Variants in ADAMTS12 observed in about 807,000 individuals in gnomAD.
ADAMTS12 encodes the protein ADAM metallopeptidase with thrombospondin type 1 motif 12, also known as A disintegrin and metalloproteinase with thrombospondin motifs 12.
In ADAMTS12, 118 loss-of-function variants were observed where a neutral mutation model predicts 167.8. The observed-to-expected ratio is 0.70, with a 90% CI of 0.61 to 0.82. ADAMTS12 has a LOEUF of 0.82. ADAMTS12 is among the 40% of genes least tolerant of loss of function. ADAMTS12 has a pLI of 0.00. For synonymous variants in ADAMTS12, 704 were observed against 716.9 expected (o/e 0.98, Z 0.29); for missense variants, 1,916 against 1,998.8 (o/e 0.96, Z 0.79).
chr5:33,739,429 T>C (rs1300755447), intron 3 of ADAMTS12, among the ~76,000 whole-genome samples: 1 of 152,144 alleles, frequency 6.6e-6, no homozygotes, highest in South Asian at 2.1e-4. Context: ...TGGAGTCTTT[T>C]TAACCAAATA....
chr5:33,643,179 C>T (rs910990844), intron 10 of ADAMTS12, among the ~76,000 whole-genome samples, 199 bp downstream of exon 10: 2 of 152,208 alleles, frequency 1.3e-5, no homozygotes, highest in African/African-American at 4.8e-5. Context: ...CCTCAGCCCT[C>T]CCTCCTTAAC....
intron 13 of ADAMTS12, among the ~76,000 whole-genome samples, chr5:33,625,568 G>C (rs1182734978): frequency 6.6e-6 from 1 of 152,074 alleles, no homozygotes; most frequent in African/African-American, 2.4e-5. Context: ...TCTACCAACA[G>C]GGAAATAGAT....
chr5:33,732,512 A>G (rs932262022), intron 3 of ADAMTS12, among the ~76,000 whole-genome samples: 2 of 152,248 alleles, frequency 1.3e-5, no homozygotes, highest in African/African-American at 4.8e-5. Context: ...GATGATTCTT[A>G]AAGAAGAATT....
rs182645886 is a variant in ADAMTS12 at position 33,791,470 on chromosome 5, T to A, written c.490-39922A>T. 1.0e-3 allele frequency among the ~76,000 whole-genome samples: 154 copies of A among 152,084 alleles called. 2 individuals carry two copies. Among genetic ancestry groups the A allele is most frequent in the African/African-American group, 3.5e-3 (145 of 41,518 alleles). On this transcript the variant is annotated intron_variant, in intron 2 of 23. Transcript: ENST00000504830. Reference sequence around the variant, plus strand: ...TTGCTGTGCCTAGATGCCTTAAAAATTTTTTTTAACAAAAACAAGGACTAC... The same window carrying A: ...TTGCTGTGCCTAGATGCCTTAAAAAATTTTTTTAACAAAAACAAGGACTAC...
At chr5:33,553,701 T>C (rs1262004238) in intron 20 of ADAMTS12, among the ~76,000 whole-genome samples, 1 of 152,106 alleles carries the variant, frequency 6.6e-6, no homozygotes, top group Admixed American at 6.6e-5. Context: ...CACCACACAC[T>C]GGGGCCTAAC....
At chr5:33,787,961 C>A (rs1336961942) in intron 2 of ADAMTS12, among the ~76,000 whole-genome samples, 2 of 152,182 alleles carry the variant, frequency 1.3e-5, no homozygotes, top group South Asian at 2.1e-4. Context: ...ATAGACCCTG[C>A]CACCAGGAAG....
At chr5:33,859,538 C>T (rs190360510) in intron 2 of ADAMTS12, among the ~76,000 whole-genome samples, 1 of 152,224 alleles carries the variant, frequency 6.6e-6, no homozygotes, top group African/African-American at 2.4e-5. Flanking sequence ...ACTCCCATCT[C>T]CCTGGGACAG....
intron 2 of ADAMTS12, among the ~76,000 whole-genome samples, chr5:33,832,563 T>C (rs1444737125): frequency 6.6e-6 from 1 of 152,188 alleles, no homozygotes; most frequent in Non-Finnish European, 1.5e-5. Flanking sequence ...CAAGTAAATG[T>C]GTTAGACATT....
intron 22 of ADAMTS12, among the ~76,000 whole-genome samples, chr5:33,538,388 A>G (rs1394649224): frequency 1.3e-5 from 2 of 152,178 alleles, no homozygotes; most frequent in Non-Finnish European, 2.9e-5. Flanking sequence ...TTGACACGTG[A>G]GAATTACAAT....
chr5:33,730,107 G>A (rs933217760), intron 3 of ADAMTS12, among the ~76,000 whole-genome samples: 1 of 152,264 alleles, frequency 6.6e-6, no homozygotes, highest in East Asian at 1.9e-4. Flanking sequence ...ACCCACCCAC[G>A]GGTAGAAAGG....
intron 2 of ADAMTS12, among the ~76,000 whole-genome samples, chr5:33,869,609 C>T (rs1416890207): frequency 1.3e-5 from 2 of 152,040 alleles, no homozygotes; most frequent in African/African-American, 2.4e-5. Flanking sequence ...TTTTTATTAG[C>T]GATTTTCAAA....
intron 7 of ADAMTS12, among the ~76,000 whole-genome samples, chr5:33,655,710 T>TA (rs1300081839): frequency 1.3e-5 from 2 of 152,020 alleles, no homozygotes; most frequent in South Asian, 2.1e-4. Context: ...TACATAAGTA[T>TA]ACATGTGCCG....
chr5:33,809,193 T>G (rs1747350821), intron 2 of ADAMTS12, among the ~76,000 whole-genome samples: 1 of 152,200 alleles, frequency 6.6e-6, no homozygotes, highest in African/African-American at 2.4e-5. Context: ...GGGATCCTGT[T>G]AAACTGCAGA....
intron 12 of ADAMTS12, 58 bp downstream of exon 12, chr5:33,637,519 C>T: frequency 6.5e-7 from 1 of 1,536,132 alleles, no homozygotes; most frequent in Non-Finnish European, 8.8e-7. Context: ...GACTGACATA[C>T]AAATGCTTTG....
chr5:33,624,459 G>A, intron 13 of ADAMTS12, 108 bp from the exon 14 acceptor site: 1 of 1,461,976 alleles, frequency 6.8e-7, no homozygotes, highest in South Asian at 1.4e-5. Context: ...CTGGGCAGGA[G>A]GTACCAGGTA....
intron 2 of ADAMTS12, among the ~76,000 whole-genome samples, chr5:33,876,856 T>G (rs1404344718): frequency 1.3e-5 from 2 of 152,200 alleles, no homozygotes; most frequent in Non-Finnish European, 2.9e-5. Context: ...CAGAGGAAAC[T>G]GGGTAGAGGG....
At chr5:33,844,427 C>T (rs756177402) in intron 2 of ADAMTS12, among the ~76,000 whole-genome samples, 29 of 152,128 alleles carry the variant, frequency 1.9e-4, no homozygotes, top group Non-Finnish European at 3.4e-4. Flanking sequence ...GAGGGTAGGC[C>T]TCTAAAATGG....
chr5:33,667,939 A>T (rs921830362), intron 5 of ADAMTS12, among the ~76,000 whole-genome samples: 1 of 152,184 alleles, frequency 6.6e-6, no homozygotes, highest in African/African-American at 2.4e-5. Context: ...TCACCATACT[A>T]CTGCACCTGC....
chr5:33,796,755 T>C (rs1267136524), intron 2 of ADAMTS12, among the ~76,000 whole-genome samples: 1 of 152,184 alleles, frequency 6.6e-6, no homozygotes, highest in Non-Finnish European at 1.5e-5. Flanking sequence ...CTGGATCCTG[T>C]AGGGTCTATG....
Sources: gnomAD v4.1 joint callset for allele counts (sites outside exome capture counted in the v4.1 genomes callset) on GRCh38, gnomAD v4.1.1 for gene constraint, MANE v1.5 for transcripts, NCBI Gene and HGNC (gene_info 2026-07-23, HGNC 2026-07-21) for gene names.